VPS13B: variants seen among roughly 807,000 people sequenced by gnomAD.
VPS13B encodes the protein vacuolar protein sorting 13 homolog B, also known as intermembrane lipid transfer protein VPS13B.
VPS13B carries 285 observed loss-of-function variants against 426.4 expected under a neutral mutation model. The ratio of observed to expected loss-of-function variants is 0.67; its 90% CI spans 0.61 to 0.74. VPS13B has a LOEUF of 0.74. Ranked by LOEUF, VPS13B falls within the 30% of genes least tolerant of loss-of-function variation. VPS13B has a pLI of 0.00. For synonymous variants in VPS13B, 1,676 were observed against 1,676.4 expected (o/e 1.00, Z 0.01); for missense variants, 4,537 against 4,782.6 (o/e 0.95, Z 1.51).
intron 30 of VPS13B, among the ~76,000 whole-genome samples, chr8:99,524,459 A>C (rs765153331): frequency 2.6e-5 from 4 of 152,128 alleles, no homozygotes; most frequent in Non-Finnish European, 2.9e-5. Context: ...GGTCAAGGAT[A>C]AAAAAGGATC....
intron 16 of VPS13B, among the ~76,000 whole-genome samples, chr8:99,191,368 C>G (rs1375243650): frequency 7.1e-6 from 1 of 140,552 alleles, no homozygotes; most frequent in African/African-American, 2.7e-5. Context: ...ATTTTAGTCT[C>G]TCTCTCTCTT....
chr8:99,825,744 G>C (rs1343137281), intron 51 of VPS13B, among the ~76,000 whole-genome samples: 1 of 152,140 alleles, frequency 6.6e-6, no homozygotes, highest in Non-Finnish European at 1.5e-5. Flanking sequence ...GTTAATTTTT[G>C]TATAAGGTGT....
At chr8:99,688,339 A>C (rs73271352) in intron 35 of VPS13B, among the ~76,000 whole-genome samples, 2,563 of 151,990 alleles carry the variant, frequency 0.017, 83 homozygotes, top group African/African-American at 0.059. Flanking sequence ...ATAATAACTG[A>C]ACGATATCAA....
In VPS13B at chr8:99,854,211, C is replaced by T. The variant is rs1816435076; in HGVS notation, c.10822C>T (p.His3608Tyr). The T allele has an allele frequency of 6.2e-7, 1 of 1,614,080 alleles. No individual in the cohort carries two copies. The change falls in exon 56 of 62, where the codon CAC becomes TAC. Residue 3608 changes from histidine to tyrosine, a missense_variant. Physicochemically the swap from His to Tyr is moderately conservative, Grantham distance 83. Transcript: ENST00000357162. The part of the protein sequence containing the change: ...PIFTTARQLV[H>Y]ALAMHYAAGA... ...CTTCACCACTGCGAGGCAGCTTGTG[C>T]ACGCCCTGGCAATGCACTATGCCGC... is the stretch of plus-strand genomic sequence containing the variant.
chr8:99,633,666 C>T (rs770829737), intron 33 of VPS13B, among the ~76,000 whole-genome samples: 3 of 151,962 alleles, frequency 2.0e-5, no homozygotes, highest in African/African-American at 4.8e-5. Context: ...CCTTGGATTT[C>T]ATCAGTCTGA....
chr8:99,254,449 T>G (rs1817649899), intron 17 of VPS13B, among the ~76,000 whole-genome samples: 2 of 151,932 alleles, frequency 1.3e-5, no homozygotes, highest in Admixed American at 6.6e-5. Context: ...AGTTTTTCTC[T>G]TACTCCATTC....
intron 16 of VPS13B, among the ~76,000 whole-genome samples, chr8:99,181,883 CAAAACATCTGAA>C (rs1019223994): frequency 6.6e-6 from 1 of 151,796 alleles, no homozygotes; most frequent in Non-Finnish European, 1.5e-5. Flanking sequence ...AAAAGATGCA[CAAAACATCTGAA>C]AAAATTATTG....
intron 33 of VPS13B, among the ~76,000 whole-genome samples, chr8:99,600,594 A>T (rs1354435054): frequency 6.6e-6 from 1 of 152,180 alleles, no homozygotes; most frequent in Non-Finnish European, 1.5e-5. Flanking sequence ...GAGACCCAGC[A>T]TGGTAATCTC....
rs780930460 is a variant in VPS13B at position 99,442,461 on chromosome 8, A to G, written c.3271A>G (p.Ile1091Val). 7.4e-6 allele frequency: 12 copies of G among 1,613,788 alleles called. No individual in the cohort carries two copies. Among genetic ancestry groups the G allele is most frequent in the Admixed American group, 5.0e-5 (3 of 59,982 alleles). Residue 1091 changes from isoleucine to valine, a missense_variant, in exon 23 of 62, where the codon ATT becomes GTT. By Grantham distance (29) the Ile-to-Val change is conservative (BLOSUM62 3). Around this residue, in one of 2 missense-constraint regions of VPS13B, gnomAD observed 4,311 missense variants for 4,474.3 expected, o/e 0.96. Transcript: ENST00000357162. ...TGATAGCCTGCCTTCCCCAAGTACA[A>G]TTGTATCTGGTGACATTCCTGGAAC... ...PNDSLPSPST[I>V]VSGDIPGTVR...
Position 99,021,632 on chromosome 8 carries a change from A to C in VPS13B, c.147+7697A>C, listed in dbSNP as rs574413320. On this transcript the variant is annotated intron_variant, in intron 2 of 61. Coordinates refer to ENST00000357162, the MANE Select transcript of VPS13B (RefSeq NM_152564.5). ...CAAGACTCCATCTCAAAAAAAAAAC[A>C]AAAACACAAAAAAACAAAGTCTCAC... Among the ~76,000 whole-genome samples the C allele has an allele frequency of 1.9e-3, 293 of 150,384 alleles. 1 individual carries two copies. Among genetic ancestry groups the C allele is most frequent in the South Asian group, 0.012 (56 of 4,762 alleles).
At chr8:99,290,560 C>T (rs1005838376) in intron 19 of VPS13B, among the ~76,000 whole-genome samples, 4 of 150,758 alleles carry the variant, frequency 2.7e-5, no homozygotes, top group Non-Finnish European at 5.9e-5. Context: ...ATGTAAATGA[C>T]GAGTTAATGG....
At chr8:99,086,472 G>C (rs1054550316) in intron 3 of VPS13B, among the ~76,000 whole-genome samples, 1 of 152,168 alleles carries the variant, frequency 6.6e-6, no homozygotes, top group African/African-American at 2.4e-5. Flanking sequence ...CAAAGTCATT[G>C]TCCGTCCAGC....
At chr8:99,774,320 A>G (rs888227371) in intron 40 of VPS13B, among the ~76,000 whole-genome samples, 2 of 152,176 alleles carry the variant, frequency 1.3e-5, no homozygotes, top group Non-Finnish European at 2.9e-5. Flanking sequence ...ACTAGCACTA[A>G]TGCTTACTGG....
chr8:99,745,605 T>C (rs1386471739), intron 39 of VPS13B, among the ~76,000 whole-genome samples: 2 of 152,076 alleles, frequency 1.3e-5, no homozygotes, highest in African/African-American at 4.8e-5. Flanking sequence ...CAGAGAGAGT[T>C]CAATACTATC....
intron 30 of VPS13B, among the ~76,000 whole-genome samples, chr8:99,524,798 A>G (rs1822563246): frequency 6.6e-6 from 1 of 152,168 alleles, no homozygotes; most frequent in African/African-American, 2.4e-5. Flanking sequence ...ATCTCCAAAA[A>G]CAAACAAAAA....
rs575515357 is a variant in VPS13B, at chr8:99,543,063, A to G, written c.4746-13387A>G. The stretch of plus-strand genomic sequence containing the variant: ...ATCACACTACCTGACTTCAAACTAT[A>G]CTACAAGGCTACAGTAACCAAAGCA... On this transcript the variant is annotated intron_variant, in intron 30 of 61. Transcript: ENST00000357162. 2.6e-5 allele frequency among the ~76,000 whole-genome samples: 4 copies of G among 152,314 alleles called. No individual in the cohort carries two copies. The South Asian group carries it at 8.3e-4, about 32-fold the overall frequency.
chr8:99,112,613 T>G (rs1391495773), intron 6 of VPS13B, among the ~76,000 whole-genome samples: 2 of 152,254 alleles, frequency 1.3e-5, no homozygotes, highest in Non-Finnish European at 2.9e-5. Flanking sequence ...TCAGTAATAG[T>G]GATGGCTCTG....
chr8:99,738,635 T>G (rs549493969), intron 39 of VPS13B, among the ~76,000 whole-genome samples: 1 of 152,340 alleles, frequency 6.6e-6, no homozygotes, highest in East Asian at 1.9e-4. Flanking sequence ...ACATACAACC[T>G]TACATTTTTT....
chr8:99,222,119 C>T (rs575560118), intron 17 of VPS13B, among the ~76,000 whole-genome samples: 1 of 152,212 alleles, frequency 6.6e-6, no homozygotes, highest in South Asian at 2.1e-4. Flanking sequence ...AGAAGGATGA[C>T]CTGTAGGCCG....
Sources: allele counts gnomAD v4.1 joint callset (sites outside exome capture counted in the v4.1 genomes callset), GRCh38; gene constraint gnomAD v4.1.1; regional missense constraint gnomAD v4.1.1; transcripts MANE v1.5; gene names NCBI Gene and HGNC (gene_info 2026-07-23, HGNC 2026-07-21).